The following GRK5 variants were observed in gnomAD, a reference collection of about 807,000 sequenced individuals.
GRK5 encodes the protein G protein-coupled receptor kinase 5, also known as g protein-coupled receptor kinase GRK5.
GRK5 carries 40 observed loss-of-function variants against 78.4 expected under a neutral mutation model. The ratio of observed to expected loss-of-function variants is 0.51; its 90% CI spans 0.40 to 0.66. GRK5 has a LOEUF of 0.66. Among genes scored for constraint, GRK5 ranks in the 30% least tolerant of loss-of-function variants. GRK5 has a pLI of 0.00. For synonymous variants in GRK5, 289 were observed against 296.8 expected, an observed-to-expected ratio of 0.97 and a Z score of 0.27; for missense variants, 598 against 759.9, an observed-to-expected ratio of 0.79 and a Z score of 2.50.
chr10:119,314,868 T>G (rs1850457213), intron 1 of GRK5, among the ~76,000 whole-genome samples: 2 of 152,198 alleles, frequency 1.3e-5, no homozygotes, highest in Admixed American at 1.3e-4. Context: ...TTCTGGAGAT[T>G]GTGCAGAAAG....
chr10:119,300,533 G>A (rs1334803996), intron 1 of GRK5, among the ~76,000 whole-genome samples: 1 of 152,206 alleles, frequency 6.6e-6, no homozygotes, highest in African/African-American at 2.4e-5. Context: ...AAGGACAGAG[G>A]TTGCCCCCTC....
intron 2 of GRK5, among the ~76,000 whole-genome samples, chr10:119,350,097 G>C (rs1851166859): frequency 6.6e-6 from 1 of 152,248 alleles, no homozygotes; most frequent in Non-Finnish European, 1.5e-5. Context: ...CCACAGGATG[G>C]GGTAAGGATG....
intron 8 of GRK5, among the ~76,000 whole-genome samples, chr10:119,433,752 T>C (rs1420601117): frequency 1.3e-5 from 2 of 152,218 alleles, no homozygotes; most frequent in East Asian, 1.9e-4. Context: ...TGGTGTAATT[T>C]GCCCCTCCTG....
At chr10:119,326,652 C>T (rs1423611390) in intron 2 of GRK5, 41 bp downstream of exon 2, 1 of 1,484,056 alleles carries the variant, frequency 6.7e-7, no homozygotes, top group East Asian at 2.3e-5. Flanking sequence ...GAGTGAGTAG[C>T]AGGTGATCCG....
At position 119,455,193 on chromosome 10, in the gene GRK5, C is replaced by T. The variant is rs768337171; in HGVS notation, c.*126C>T. Reference sequence around the variant, plus strand: ...GACCCCGGGAGCCGGGGAAGGAGGCCGTCCATCCCGTCGACGTAGAACCTC... The same window carrying T: ...GACCCCGGGAGCCGGGGAAGGAGGCTGTCCATCCCGTCGACGTAGAACCTC... On this transcript the variant is annotated 3_prime_UTR_variant, in exon 16 of 16. Coordinates refer to ENST00000392870, the MANE Select transcript of GRK5 (RefSeq NM_005308.3). 6 of 779,708 alleles carry T rather than the reference C, an allele frequency of 7.7e-6. No individual in the cohort carries two copies. The highest frequency in any genetic ancestry group is 1.4e-5 in the South Asian group (1 of 71,034). The allele number at this position is 779,708 out of a possible 1,614,324, so 48.3% of individuals were successfully genotyped here.
At chr10:119,227,484 C>G (rs368438074) in intron 1 of GRK5, among the ~76,000 whole-genome samples, 1 of 152,220 alleles carries the variant, frequency 6.6e-6, no homozygotes, top group East Asian at 1.9e-4. Context: ...GCAAGAGAAT[C>G]GCTTGAACCC....
intron 1 of GRK5, among the ~76,000 whole-genome samples, chr10:119,250,172 A>T (rs980370223): frequency 6.6e-6 from 1 of 152,148 alleles, no homozygotes; most frequent in Non-Finnish European, 1.5e-5. Context: ...TTGTTGAGTG[A>T]GAGTCTCTTC....
intron 2 of GRK5, 69 bp downstream of exon 2, chr10:119,326,680 T>A: frequency 1.7e-6 from 2 of 1,202,680 alleles, no homozygotes; most frequent in Non-Finnish European, 2.5e-6. Flanking sequence ...GTTTGTGCAT[T>A]AAGGCAAATG....
intron 1 of GRK5, among the ~76,000 whole-genome samples, chr10:119,225,832 G>A (rs1252324195): frequency 1.4e-5 from 2 of 145,144 alleles, no homozygotes; most frequent in Non-Finnish European, 1.5e-5. Flanking sequence ...CACTGTGCCC[G>A]GCTAATTTTT....
At chr10:119,219,713 T>C (rs1365778412) in intron 1 of GRK5, among the ~76,000 whole-genome samples, 1 of 152,090 alleles carries the variant, frequency 6.6e-6, no homozygotes, top group Non-Finnish European at 1.5e-5. Context: ...AAACTCCCCC[T>C]CCCCCCTAAT....
chr10:119,246,146 T>C (rs1849109185), intron 1 of GRK5, among the ~76,000 whole-genome samples: 1 of 152,118 alleles, frequency 6.6e-6, no homozygotes, highest in Non-Finnish European at 1.5e-5. Flanking sequence ...TGGTCATTGG[T>C]TCCAGGTCCC....
Position 119,207,674 on chromosome 10 carries a change from A to C in GRK5, c.-244A>C. The C allele has an allele frequency of 2.5e-5, 6 of 241,948 alleles. No homozygotes were observed. Among genetic ancestry groups the C allele is most frequent in the East Asian group, 8.5e-5 (1 of 11,720 alleles). 15.0% of individuals were successfully genotyped at this position (241,948 alleles called of 1,614,324 possible). On this transcript the variant is annotated 5_prime_UTR_variant, in exon 1 of 16. Coordinates refer to ENST00000392870, the MANE Select transcript of GRK5 (RefSeq NM_005308.3). ...GGGGTGGGGGGGAGCGTGTTGAGGGAGGGGGGAGGGGGGACACAGAGGGAG... is the reference window on the plus strand; with the variant it reads ...GGGGTGGGGGGGAGCGTGTTGAGGGCGGGGGGAGGGGGGACACAGAGGGAG...
chr10:119,291,291 A>G (rs557111857), intron 1 of GRK5, among the ~76,000 whole-genome samples: 18 of 152,292 alleles, frequency 1.2e-4, no homozygotes, highest in African/African-American at 4.3e-4. Context: ...CAGGAGATGC[A>G]GTGAAGCTAC....
chr10:119,395,780 T>G (rs1852039698), intron 3 of GRK5, among the ~76,000 whole-genome samples: 1 of 152,158 alleles, frequency 6.6e-6, no homozygotes, highest in Non-Finnish European at 1.5e-5. Flanking sequence ...ATCAGAGTCC[T>G]AAATTCTGTG....
chr10:119,357,116 T>C (rs1256234809), intron 2 of GRK5, among the ~76,000 whole-genome samples: 2 of 152,264 alleles, frequency 1.3e-5, no homozygotes, highest in African/African-American at 2.4e-5. Flanking sequence ...AGTGAAGTGA[T>C]GCCAGATGCC....
intron 1 of GRK5, among the ~76,000 whole-genome samples, chr10:119,291,238 G>A (rs1849949095): frequency 6.6e-6 from 1 of 152,210 alleles, no homozygotes; most frequent in East Asian, 1.9e-4. Context: ...TGCCATTGGA[G>A]GTGAAGCAGG....
At chr10:119,315,523 C>T (rs1344068820) in intron 1 of GRK5, among the ~76,000 whole-genome samples, 1 of 152,180 alleles carries the variant, frequency 6.6e-6, no homozygotes, top group African/African-American at 2.4e-5. Context: ...AACCCATTCT[C>T]ATCAGAACAG....
At chr10:119,330,924 G>A (rs893734210) in intron 2 of GRK5, among the ~76,000 whole-genome samples, 3 of 152,210 alleles carry the variant, frequency 2.0e-5, no homozygotes, top group Non-Finnish European at 4.4e-5. Context: ...AGGAGGCTGA[G>A]GCAGGAAAAT....
intron 1 of GRK5, among the ~76,000 whole-genome samples, chr10:119,320,699 G>A (rs1038718147): frequency 4.6e-5 from 7 of 152,232 alleles, no homozygotes; most frequent in Admixed American, 1.3e-4. Flanking sequence ...GGCCCTGAGA[G>A]CAGAGGCAGG....
Sources: allele counts gnomAD v4.1 joint callset (sites outside exome capture counted in the v4.1 genomes callset), GRCh38; gene constraint gnomAD v4.1.1; transcripts MANE v1.5; gene names NCBI Gene and HGNC (gene_info 2026-07-23, HGNC 2026-07-21).